Variants in FNDC3B observed in about 807,000 individuals in gnomAD.
The protein encoded by FNDC3B is fibronectin type III domain containing 3B, also known as fibronectin type III domain-containing protein 3B.
In FNDC3B, 12 loss-of-function variants were observed where a neutral mutation model predicts 151.5. The ratio of observed to expected loss-of-function variants is 0.08; its 90% confidence interval spans 0.05 to 0.13. The LOEUF (loss-of-function observed/expected upper bound fraction) is 0.13. Ranked by LOEUF, FNDC3B falls within the 10% of genes least tolerant of loss-of-function variation. FNDC3B has a pLI of 1.00. For missense variants in FNDC3B, 1,214 were observed against 1,505.3 expected (o/e 0.81, Z 3.20); for synonymous variants, 528 against 549.0 (o/e 0.96, Z 0.54).
chr3:172,081,988 G>A (rs1053319244), intron 1 of FNDC3B, among the ~76,000 whole-genome samples: 3 of 152,194 alleles, frequency 2.0e-5, no homozygotes, highest in African/African-American at 7.2e-5. Flanking sequence ...TTCTATGGAT[G>A]TGAATATTCC....
At chr3:172,121,792 C>T (rs1486832938) in intron 2 of FNDC3B, among the ~76,000 whole-genome samples, 1 of 152,172 alleles carries the variant, frequency 6.6e-6, no homozygotes. Flanking sequence ...GTCTTGAACT[C>T]CTGGGCTCAG....
At chr3:172,134,599 T>C (rs1721270336) in intron 3 of FNDC3B, among the ~76,000 whole-genome samples, 1 of 152,154 alleles carries the variant, frequency 6.6e-6, no homozygotes, top group African/African-American at 2.4e-5. Flanking sequence ...TTTCCTTGCG[T>C]AATAGTAGAG....
intron 2 of FNDC3B, among the ~76,000 whole-genome samples, chr3:172,113,830 C>T (rs1193289493): frequency 6.6e-6 from 1 of 152,204 alleles, no homozygotes. Flanking sequence ...TTCCTTACCG[C>T]CCACTTTACA....
chr3:172,177,679 C>CT (rs1723677200), intron 3 of FNDC3B, among the ~76,000 whole-genome samples: 1 of 84,532 alleles, frequency 1.2e-5, no homozygotes, highest in Non-Finnish European at 2.3e-5. Context: ...TAGAAAGGAA[C>CT]TTTTTCTTTT....
chr3:172,355,799 C>A (rs1343773565), intron 22 of FNDC3B, among the ~76,000 whole-genome samples: 1 of 152,206 alleles, frequency 6.6e-6, no homozygotes, highest in African/African-American at 2.4e-5. Flanking sequence ...TTTTCTATAA[C>A]TGCCTCCAAC....
intron 7 of FNDC3B, among the ~76,000 whole-genome samples, chr3:172,287,733 T>A (rs1730102884): frequency 6.6e-6 from 1 of 152,230 alleles, no homozygotes; most frequent in Non-Finnish European, 1.5e-5. Flanking sequence ...ACAGAATCTC[T>A]GTTTCTTGTG....
rs979295127 is a variant in FNDC3B at position 172,317,114 on chromosome 3, T to C, written c.1254+6233T>C. 1.3e-5 allele frequency: 6 copies of C among 445,022 alleles called. No individual in the cohort carries two copies. In the Admixed American group the frequency reaches 1.5e-4, roughly 11 times the overall value. 27.6% of individuals were successfully genotyped at this position (445,022 alleles called of 1,614,324 possible). A position where few individuals can be genotyped will look rare whatever the true frequency, so the allele number is the denominator to read the frequency against. ...TGAGGATAGAGCCCTTGTGACCTAATCACCTTTTCAAGGAAAAAAAAATGA... is the reference window on the plus strand; with the variant it reads ...TGAGGATAGAGCCCTTGTGACCTAACCACCTTTTCAAGGAAAAAAAAATGA... On this transcript the variant is annotated intron_variant, in intron 11 of 25. Coordinates refer to ENST00000415807, the MANE Select transcript of FNDC3B (RefSeq NM_022763.4).
chr3:172,285,127 T>C (rs1166906273), intron 6 of FNDC3B, among the ~76,000 whole-genome samples: 2 of 152,086 alleles, frequency 1.3e-5, no homozygotes, highest in South Asian at 2.1e-4. Context: ...AAAGGCACCG[T>C]CATCCATCCA....
At chr3:172,090,759 A>G (rs544480104) in intron 1 of FNDC3B, among the ~76,000 whole-genome samples, 4 of 152,314 alleles carry the variant, frequency 2.6e-5, no homozygotes, top group African/African-American at 9.6e-5. Flanking sequence ...TTTGAGTGCC[A>G]ACAGGATGCC....
intron 3 of FNDC3B, among the ~76,000 whole-genome samples, chr3:172,142,828 C>T (rs946709056): frequency 6.6e-6 from 1 of 152,178 alleles, no homozygotes; most frequent in Non-Finnish European, 1.5e-5. Flanking sequence ...AAATCTATTT[C>T]CTACAGTTCT....
chr3:172,323,365 T>G (rs1402762038), intron 11 of FNDC3B, among the ~76,000 whole-genome samples: 1 of 151,986 alleles, frequency 6.6e-6, no homozygotes, highest in Non-Finnish European at 1.5e-5. Context: ...ATTGAAAATT[T>G]AGCCAGGTGT....
chr3:172,250,013 G>A (rs892896520), intron 5 of FNDC3B, among the ~76,000 whole-genome samples: 16 of 151,938 alleles, frequency 1.1e-4, no homozygotes, highest in African/African-American at 3.9e-4. Flanking sequence ...AGATTTGGAT[G>A]GTAATTTATA....
In FNDC3B at chr3:172,259,325, AC is replaced by A. The variant is rs1176577856; in HGVS notation, c.790+7785del. On this transcript the variant is annotated intron_variant, in intron 6 of 25. Transcript: ENST00000415807. Reference sequence around the variant, plus strand: ...GGCATTCTTCTTGGCAGGAAACTGGACAATTAACATCGCCACTTCCATTTCA... The same window carrying A: ...GGCATTCTTCTTGGCAGGAAACTGGAAATTAACATCGCCACTTCCATTTCA... Among the ~76,000 whole-genome samples, 4 of 152,332 alleles carry A rather than the reference AC, an allele frequency of 2.6e-5. No homozygotes were observed. In the East Asian group the frequency reaches 7.7e-4, roughly 29 times the overall value.
At chr3:172,358,979 T>TGGTGGTGGA (rs1734230640) in intron 22 of FNDC3B, among the ~76,000 whole-genome samples, 1 of 97,664 alleles carries the variant, frequency 1.0e-5, no homozygotes, top group Non-Finnish European at 2.0e-5. Flanking sequence ...GTGGTGGTGG[T>TGGTGGTGGA]GGTGGTGGTG....
At chr3:172,369,441 TTAATGTC>T (rs1167012194) in intron 23 of FNDC3B, among the ~76,000 whole-genome samples, 3 of 151,968 alleles carry the variant, frequency 2.0e-5, no homozygotes, top group African/African-American at 7.3e-5. Context: ...TTTTAATACA[TTAATGTC>T]TAAAGTATAC....
intron 3 of FNDC3B, among the ~76,000 whole-genome samples, chr3:172,215,510 G>T (rs1041022789): frequency 6.6e-6 from 1 of 152,216 alleles, no homozygotes; most frequent in Non-Finnish European, 1.5e-5. Flanking sequence ...GATCACCTGA[G>T]GTCAAGAGTT....
chr3:172,171,278 A>G (rs760742680), intron 3 of FNDC3B, among the ~76,000 whole-genome samples: 20 of 151,828 alleles, frequency 1.3e-4, no homozygotes, highest in Non-Finnish European at 2.8e-4. Context: ...CTGGTTCAAA[A>G]GCATGTATTT....
chr3:172,224,944 A>G (rs530997457), intron 3 of FNDC3B, among the ~76,000 whole-genome samples: 1 of 152,324 alleles, frequency 6.6e-6, no homozygotes, highest in East Asian at 1.9e-4. Context: ...TTGCACTTCT[A>G]GGGAAGCCAT....
At chr3:172,297,707 C>T (rs1038840320) in intron 8 of FNDC3B, among the ~76,000 whole-genome samples, 15 of 152,066 alleles carry the variant, frequency 9.9e-5, no homozygotes, top group Non-Finnish European at 2.2e-4. Flanking sequence ...ATCTCCTGAC[C>T]TCGTGATCCG....
Sources: allele counts gnomAD v4.1 joint callset (sites outside exome capture counted in the v4.1 genomes callset), GRCh38; gene constraint gnomAD v4.1.1; transcripts MANE v1.5; gene names NCBI Gene and HGNC (gene_info 2026-07-23, HGNC 2026-07-21).